Variants in DNAAF2 observed in about 807,000 individuals in gnomAD.
DNAAF2 encodes protein kintoun.
DNAAF2 carries 58 observed loss-of-function variants against 48.8 expected under a neutral mutation model. The ratio of observed to expected loss-of-function variants is 1.19; its 90% CI spans 0.96 to 1.48. The LOEUF is 1.48. Among genes scored for constraint, DNAAF2 ranks in the 40% most tolerant of loss-of-function variants. The pLI is 0.00. For synonymous variants in DNAAF2, 567 were observed against 481.2 expected (o/e 1.18, Z -2.33); for missense variants, 1,241 against 1,116.1 (o/e 1.11, Z -1.59).
In DNAAF2 at chr14:49,627,675, G is replaced by A. The variant is rs1883044257; in HGVS notation, c.2007+337C>T. On this transcript the variant is annotated intron_variant, in intron 2 of 2. Transcript: ENST00000298292. ...TCGAGACCATCCTGGCTAACACGGT[G>A]ACACCCAATCTCTACTAAAAATACA... Among the ~76,000 whole-genome samples the A allele has an allele frequency of 2.0e-5, 3 of 152,122 alleles. No individual in the cohort carries two copies. The South Asian group carries it at 6.2e-4, about 32-fold the overall frequency.
At position 49,631,017 on chromosome 14, in the gene DNAAF2, G is replaced by A. The variant is rs542738946; in HGVS notation, c.1863+2270C>T. On this transcript the variant is annotated intron_variant, in intron 1 of 2. Coordinates refer to ENST00000298292, the MANE Select transcript of DNAAF2 (RefSeq NM_018139.3). ...GCCTGCTTCAGTCTCCCAAAGTTCC[G>A]GGGCTACAGGTGTGAGCCACCACGC... Among the ~76,000 whole-genome samples, 35 of 152,166 alleles carry A rather than the reference G, an allele frequency of 2.3e-4. No individual in the cohort carries two copies. In the South Asian group the frequency reaches 6.0e-3, roughly 26 times the overall value.
chr14:49,634,301 C>T lies in DNAAF2; in HGVS notation c.849G>A (p.Leu283=), dbSNP rs1368881643. ...ACAGCGGCAGTTCGATGGTGATCAC[C>T]AGCTCATGGGGCACGGGGCTCGGGG... ...DSAPSPVPHE[L]VITIELPLLR... The change falls in exon 1 of 3, where the codon CTG becomes CTA. Residue 283 remains leucine, a synonymous_variant. Coordinates refer to ENST00000298292, the MANE Select transcript of DNAAF2 (RefSeq NM_018139.3). The T allele has an allele frequency of 6.2e-7, 1 of 1,612,086 alleles. No individual in the cohort carries two copies. Among genetic ancestry groups the T allele is most frequent in the Admixed American group, 1.7e-5 (1 of 60,020 alleles).
At chr14:49,628,681 C>T (rs1403132309) in intron 1 of DNAAF2, among the ~76,000 whole-genome samples, 1 of 152,150 alleles carries the variant, frequency 6.6e-6, no homozygotes, top group Non-Finnish European at 1.5e-5. Context: ...TCTTGAACTC[C>T]TGACCTCAAG....
In DNAAF2 at chr14:49,633,749, GGA is replaced by G. The variant is rs541504318; in HGVS notation, c.1399_1400del (p.Ser467ProfsTer23). The G allele has an allele frequency of 8.2e-6, 13 of 1,592,566 alleles. No homozygotes were observed. Among genetic ancestry groups the G allele is most frequent in the Non-Finnish European group, 1.1e-5 (13 of 1,171,716 alleles). On this transcript the variant is annotated frameshift_variant, in exon 1 of 3. Coordinates refer to ENST00000298292, the MANE Select transcript of DNAAF2 (RefSeq NM_018139.3). LOFTEE classifies it high-confidence loss of function. ...CCAGGCTCCGGGAGGACAAACAAGG[GGA>G]GCCTCCGCCACCAGGTGAGTTTTCT... Reference protein sequence around the residue: ...GGENSPGGGGSPCLSSRSLAW... With the variant: ...GGENSPGGGGXPCLSSRSLAW...
intron 1 of DNAAF2, among the ~76,000 whole-genome samples, chr14:49,628,627 G>A (rs563551560): frequency 1.3e-5 from 2 of 152,176 alleles, no homozygotes; most frequent in African/African-American, 2.4e-5. Flanking sequence ...ACTAATTTTT[G>A]TATTTTTGGT....
At chr14:49,631,954 C>A (rs1431330116) in intron 1 of DNAAF2, among the ~76,000 whole-genome samples, 2 of 152,114 alleles carry the variant, frequency 1.3e-5, no homozygotes, top group African/African-American at 2.4e-5. Context: ...TGCTGTTGTT[C>A]CATCAGCTTT....
intron 1 of DNAAF2, among the ~76,000 whole-genome samples, chr14:49,631,555 G>A (rs1883165888): frequency 6.6e-6 from 1 of 152,158 alleles, no homozygotes; most frequent in Non-Finnish European, 1.5e-5. Context: ...AACCCGGGAG[G>A]TGGAGCTTGC....
Position 49,634,937 on chromosome 14 carries a change from G to C in DNAAF2, c.213C>G (p.His71Gln), listed in dbSNP as rs1037086952. The C allele has an allele frequency of 1.9e-6, 3 of 1,555,382 alleles. No homozygotes were observed. The highest frequency in any genetic ancestry group is 2.6e-6 in the Non-Finnish European group (3 of 1,149,568). Reference protein sequence around the residue: ...RERGVEVRFVHPEPGHVLRTS... With the variant: ...RERGVEVRFVQPEPGHVLRTS... ...TGCGCAGCACATGGCCGGGCTCCGG[G>C]TGCACGAACCGCACTTCCACCCCGC... is the stretch of plus-strand genomic sequence containing the variant. Residue 71 changes from histidine to glutamine, a missense_variant, in exon 1 of 3, where the codon CAC becomes CAG. Physicochemically the swap from His to Gln is conservative, Grantham distance 24. Coordinates refer to ENST00000298292, the MANE Select transcript of DNAAF2 (RefSeq NM_018139.3).
chr14:49,633,876 G>A lies in DNAAF2; in HGVS notation c.1274C>T (p.Ala425Val). ...GGGGACACGCTCCTCTCCAGCTGCG[G>A]CCGGCGGAGGCGCCACCTCCGGGTC... ...LGDPEVAPPP[A>V]AAGEERVPKP... The change falls in exon 1 of 3, where the codon GCC becomes GTC. Residue 425 changes from alanine to valine, a missense_variant. Physicochemically the swap from Ala to Val is moderately conservative, Grantham distance 64 (BLOSUM62 0). Coordinates refer to ENST00000298292, the MANE Select transcript of DNAAF2 (RefSeq NM_018139.3). 6.5e-7 allele frequency: 1 copy of A among 1,537,256 alleles called. No individual in the cohort carries two copies. The highest frequency in any genetic ancestry group is 8.7e-7 in the Non-Finnish European group (1 of 1,148,040).
At chr14:49,633,218 C>A in intron 1 of DNAAF2, 69 bp downstream of exon 1, 2 of 1,567,378 alleles carry the variant, frequency 1.3e-6, no homozygotes, top group Non-Finnish European at 1.7e-6. Context: ...CCGCGCCCGG[C>A]CGGTAATAGC....
At chr14:49,628,414 T>C (rs1265660971) in intron 1 of DNAAF2, among the ~76,000 whole-genome samples, 1 of 152,210 alleles carries the variant, frequency 6.6e-6, no homozygotes, top group African/African-American at 2.4e-5. Flanking sequence ...TTTCTGTCTA[T>C]TAAACCTGAC....
chr14:49,632,737 G>A (rs1883195259), intron 1 of DNAAF2, among the ~76,000 whole-genome samples: 1 of 151,920 alleles, frequency 6.6e-6, no homozygotes, highest in African/African-American at 2.4e-5. Context: ...GTGAGCCACC[G>A]CACCCAGCCA....
At chr14:49,627,959 G>A (rs960669186) in intron 2 of DNAAF2, 53 bp downstream of exon 2, 1 of 1,457,380 alleles carries the variant, frequency 6.9e-7, no homozygotes, top group Admixed American at 2.9e-5. Context: ...TAATTTGTTA[G>A]GTTTTAACTC....
In DNAAF2 at chr14:49,625,364, A is replaced by C. The variant is rs1594601828; in HGVS notation, c.*178T>G. ...GAAACTTTAAACTCCAGAGGCAAAAAAAAAAAAATTATCTCCAATTTCCCC... is the reference window on the plus strand; with the variant it reads ...GAAACTTTAAACTCCAGAGGCAAAACAAAAAAAATTATCTCCAATTTCCCC... On this transcript the variant is annotated 3_prime_UTR_variant, in exon 3 of 3. Transcript: ENST00000298292. The C allele has an allele frequency of 7.2e-6, 3 of 415,194 alleles. No individual in the cohort carries two copies. The East Asian group carries it at 1.2e-4, about 17-fold the overall frequency. The allele number at this position is 415,194 out of a possible 1,614,324, so 25.7% of individuals were successfully genotyped here. A position where few individuals can be genotyped will look rare whatever the true frequency, so the allele number is the denominator to read the frequency against.
rs929048827 is a variant in DNAAF2, at chr14:49,628,242, A to T, written c.1864-87T>A. 13 of 1,099,618 alleles carry T rather than the reference A, an allele frequency of 1.2e-5. No homozygotes were observed. In the African/African-American group the frequency reaches 1.9e-4, roughly 16 times the overall value. 68.1% of individuals were successfully genotyped at this position (1,099,618 alleles called of 1,614,324 possible). On this transcript the variant is annotated intron_variant, in intron 1 of 2. Coordinates refer to ENST00000298292, the MANE Select transcript of DNAAF2 (RefSeq NM_018139.3). ...CAAAGCAGCTCACAAAAATTCTCAC[A>T]TTGTTCAGGGTTACACTTTTTAAAA...
intron 1 of DNAAF2, among the ~76,000 whole-genome samples, 179 bp downstream of exon 1, chr14:49,633,108 G>C (rs1021080990): frequency 3.3e-5 from 5 of 151,960 alleles, no homozygotes; most frequent in Non-Finnish European, 5.9e-5. Context: ...TTTTAGTAGA[G>C]ACGGGATTTC....
chr14:49,630,984 C>T (rs1200995657), intron 1 of DNAAF2, among the ~76,000 whole-genome samples: 1 of 152,004 alleles, frequency 6.6e-6, no homozygotes, highest in Admixed American at 6.6e-5. Flanking sequence ...CTCCTGACCT[C>T]GTGATCTGCC....
rs765953447 is a variant in DNAAF2, at chr14:49,634,528, C to G, written c.622G>C (p.Val208Leu). 6.2e-7 allele frequency: 1 copy of G among 1,601,848 alleles called. No homozygotes were observed. The highest frequency in any genetic ancestry group is 8.5e-7 in the Non-Finnish European group (1 of 1,179,448). Residue 208 changes from valine to leucine, a missense_variant, in exon 1 of 3, where the codon GTC (valine) becomes CTC (leucine). By Grantham distance (32) the Val-to-Leu change is conservative. Transcript: ENST00000298292. ...AAVLRTPLPG[V>L]IPARPDGEPK... ...TCCCCGTCAGGCCTTGCGGGGATGA[C>G]CCCGGGCAGGGGCGTGCGCAGCACC...
At chr14:49,630,387 A>G (rs989064479) in intron 1 of DNAAF2, among the ~76,000 whole-genome samples, 3 of 152,166 alleles carry the variant, frequency 2.0e-5, no homozygotes, top group African/African-American at 7.2e-5. Flanking sequence ...ACAGGTGTAT[A>G]GTTAGGGTGT....
Sources: allele counts gnomAD v4.1 joint callset (sites outside exome capture counted in the v4.1 genomes callset), GRCh38; gene constraint gnomAD v4.1.1; transcripts MANE v1.5; gene names NCBI Gene and HGNC (gene_info 2026-07-23, HGNC 2026-07-21).